SEMA3E: variants seen among roughly 807,000 people sequenced by gnomAD.
The protein encoded by SEMA3E is semaphorin 3E.
SEMA3E carries 49 observed loss-of-function variants against 93.6 expected under a neutral mutation model. The observed-to-expected ratio is 0.52, with a 90% confidence interval of 0.42 to 0.66. The LOEUF (loss-of-function observed/expected upper bound fraction) is 0.66, where lower values mean the gene tolerates loss of function less well. Among genes scored for constraint, SEMA3E ranks in the 30% least tolerant of loss-of-function variants. The pLI, the probability that SEMA3E is intolerant of heterozygous loss-of-function variation, is 0.00. For synonymous variants in SEMA3E, 363 were observed against 330.7 expected (o/e 1.10, Z -1.06); for missense variants, 906 against 964.8 (o/e 0.94, Z 0.81).
intron 1 of SEMA3E, chr7:83,616,859 G>A (rs2115608705): frequency 3.1e-6 from 1 of 325,630 alleles, no homozygotes; most frequent in Non-Finnish European, 6.0e-6. Flanking sequence ...TGAGTAGCTG[G>A]GATTACAGGA....
At chr7:83,543,819 T>A (rs2115773168) in intron 1 of SEMA3E, among the ~76,000 whole-genome samples, 1 of 152,244 alleles carries the variant, frequency 6.6e-6, no homozygotes, top group South Asian at 2.1e-4. Context: ...ACTCCCATTT[T>A]GCTAGGTATA....
At chr7:83,517,830 C>T (rs1790963306) in intron 1 of SEMA3E, among the ~76,000 whole-genome samples, 1 of 152,028 alleles carries the variant, frequency 6.6e-6, no homozygotes, top group South Asian at 2.1e-4. Flanking sequence ...GGTTTGTAAC[C>T]ACTATTGGGA....
chr7:83,621,762 A>G (rs1231371443), intron 1 of SEMA3E, among the ~76,000 whole-genome samples: 1 of 152,184 alleles, frequency 6.6e-6, no homozygotes, highest in Non-Finnish European at 1.5e-5. Flanking sequence ...TGTTTAATAA[A>G]TGGTGCTGGG....
intron 16 of SEMA3E, among the ~76,000 whole-genome samples, chr7:83,379,898 T>C (rs1175719589): frequency 1.3e-5 from 2 of 151,888 alleles, no homozygotes; most frequent in African/African-American, 4.8e-5. Flanking sequence ...GCTATATTCT[T>C]CTTACTTTTA....
chr7:83,590,340 C>T (rs1792732391), intron 1 of SEMA3E, among the ~76,000 whole-genome samples: 1 of 151,382 alleles, frequency 6.6e-6, no homozygotes, highest in African/African-American at 2.4e-5. Flanking sequence ...TTTTCTTCAC[C>T]TAAACAAAAA....
At chr7:83,437,674 C>T (rs1789032810) in intron 4 of SEMA3E, among the ~76,000 whole-genome samples, 1 of 152,078 alleles carries the variant, frequency 6.6e-6, no homozygotes, top group African/African-American at 2.4e-5. Flanking sequence ...TTAAAACAAA[C>T]TAAGAAGCAG....
intron 11 of SEMA3E, among the ~76,000 whole-genome samples, chr7:83,399,768 GA>G (rs912186932): frequency 2.0e-5 from 3 of 151,620 alleles, no homozygotes; most frequent in East Asian, 1.9e-4. Context: ...TCTCACATCT[GA>G]AAAAAAACCA....
At chr7:83,421,943 C>T (rs757685214) in intron 4 of SEMA3E, among the ~76,000 whole-genome samples, 2 of 152,170 alleles carry the variant, frequency 1.3e-5, no homozygotes, top group Non-Finnish European at 2.9e-5. Context: ...TTTGGGAGGC[C>T]GAGGAAGGCA....
chr7:83,373,929 G>A (rs553483431), intron 16 of SEMA3E, among the ~76,000 whole-genome samples: 303 of 152,152 alleles, frequency 2.0e-3, no homozygotes, highest in African/African-American at 6.5e-3. Flanking sequence ...AATTTAGGCC[G>A]GGCGCGGTGT....
chr7:83,596,409 G>A (rs1399004450), intron 1 of SEMA3E, among the ~76,000 whole-genome samples: 2 of 151,822 alleles, frequency 1.3e-5, no homozygotes, highest in East Asian at 1.9e-4. Context: ...CATTACTAAC[G>A]TCACTGCTCC....
chr7:83,402,307 T>C (rs965152110), intron 10 of SEMA3E, among the ~76,000 whole-genome samples: 9 of 152,052 alleles, frequency 5.9e-5, no homozygotes, highest in South Asian at 2.1e-4. Flanking sequence ...AGGAATACGA[T>C]GTTCATGTTA....
At chr7:83,470,263 A>G (rs1219830261) in intron 2 of SEMA3E, among the ~76,000 whole-genome samples, 1 of 152,166 alleles carries the variant, frequency 6.6e-6, no homozygotes, top group Non-Finnish European at 1.5e-5. Context: ...GACCACAAGC[A>G]GAAATCAGTT....
intron 14 of SEMA3E, among the ~76,000 whole-genome samples, chr7:83,389,621 T>G (rs1787951874): frequency 6.6e-6 from 1 of 151,548 alleles, no homozygotes; most frequent in Admixed American, 6.6e-5. Flanking sequence ...ATATTACATG[T>G]ATACATACAC....
At chr7:83,511,104 G>A (rs765762738) in intron 1 of SEMA3E, among the ~76,000 whole-genome samples, 22 of 151,952 alleles carry the variant, frequency 1.4e-4, no homozygotes, top group Non-Finnish European at 2.8e-4. Flanking sequence ...AAATTTTTTG[G>A]TAAACTTCTT....
chr7:83,430,209 A>G (rs1021137035), intron 4 of SEMA3E, among the ~76,000 whole-genome samples: 1 of 152,154 alleles, frequency 6.6e-6, no homozygotes, highest in Non-Finnish European at 1.5e-5. Context: ...TCATGCTTGT[A>G]ATCCCAGCAC....
intron 4 of SEMA3E, among the ~76,000 whole-genome samples, chr7:83,447,143 A>C (rs929434320): frequency 6.6e-6 from 1 of 152,212 alleles, no homozygotes; most frequent in African/African-American, 2.4e-5. Context: ...TTTATTCTAT[A>C]AATAATGCTG....
At chr7:83,417,306 A>C (rs1166564766) in intron 5 of SEMA3E, among the ~76,000 whole-genome samples, 2 of 152,100 alleles carry the variant, frequency 1.3e-5, no homozygotes, top group Non-Finnish European at 2.9e-5. Flanking sequence ...ATAGAATGCA[A>C]GACCCATCAA....
At chr7:83,648,181 A>G (rs1228017923) in intron 1 of SEMA3E, among the ~76,000 whole-genome samples, 4 of 152,008 alleles carry the variant, frequency 2.6e-5, no homozygotes, top group South Asian at 2.1e-4. Context: ...ATAAAATCCA[A>G]TGTTTACAGA....
At chr7:83,474,563 A>G (rs1437736405) in intron 2 of SEMA3E, among the ~76,000 whole-genome samples, 2 of 152,132 alleles carry the variant, frequency 1.3e-5, no homozygotes, top group Non-Finnish European at 2.9e-5. Flanking sequence ...ACAAGAAAAG[A>G]TAAACAGAGA....
Sources: gnomAD v4.1 joint callset for allele counts (sites outside exome capture counted in the v4.1 genomes callset) on GRCh38, gnomAD v4.1.1 for gene constraint, MANE v1.5 for transcripts, NCBI Gene and HGNC (gene_info 2026-07-23, HGNC 2026-07-21) for gene names.